Variants in SLAIN1 observed in about 807,000 individuals in gnomAD.
SLAIN1 encodes the protein SLAIN family member 1.
Under a neutral mutation model 55.4 loss-of-function variants are expected in SLAIN1, and 17 were observed. The observed-to-expected ratio is 0.31, with a 90% CI of 0.21 to 0.46. The LOEUF is 0.46. SLAIN1 is among the 20% of genes least tolerant of loss of function. The probability of loss-of-function intolerance (pLI) is 1.00; values close to 1 mark genes in which losing one functional copy is unlikely to be tolerated. For missense variants in SLAIN1, 682 were observed against 785.1 expected (o/e 0.87, Z 1.57); for synonymous variants, 348 against 337.4 (o/e 1.03, Z -0.35).
chr13:77,710,640 GTGGGAGACTCTAACA>G (rs1465973151), intron 1 of SLAIN1, among the ~76,000 whole-genome samples: 1 of 152,186 alleles, frequency 6.6e-6, no homozygotes, highest in Non-Finnish European at 1.5e-5. Context: ...CACAATAATA[GTGGGAGACTCTAACA>G]CCCCACTGTC....
chr13:77,758,583 A>G (rs985798867), intron 5 of SLAIN1, among the ~76,000 whole-genome samples: 3 of 152,110 alleles, frequency 2.0e-5, no homozygotes, highest in African/African-American at 7.2e-5. Context: ...TCTTTGATCC[A>G]TTTTGAGTTG....
At chr13:77,708,883 G>A (rs1325794174) in intron 1 of SLAIN1, among the ~76,000 whole-genome samples, 1 of 152,030 alleles carries the variant, frequency 6.6e-6, no homozygotes. Flanking sequence ...CTCCTTGCCA[G>A]CAAGGGAACA....
chr13:77,741,514 T>C, intron 2 of SLAIN1: 9 of 794,798 alleles, frequency 1.1e-5, no homozygotes, highest in Non-Finnish European at 1.4e-5. Flanking sequence ...TTTCATGAAA[T>C]GTGTGGATTC....
chr13:77,763,126 T>G lies in SLAIN1; in HGVS notation c.1698-19T>G, dbSNP rs368330126. 2 of 1,605,876 alleles carry G rather than the reference T, an allele frequency of 1.2e-6. No homozygotes were observed. Among genetic ancestry groups the G allele is most frequent in the African/African-American group, 2.7e-5 (2 of 74,738 alleles). ...GATTATTAACAATCTCTCTCTCTGT[T>G]TTTCTTGTCTCTTTTTAGTTTTCTT... On this transcript the variant is annotated intron_variant, in intron 6 of 6. Transcript: ENST00000418532.
chr13:77,711,736 T>G (rs776848229), intron 1 of SLAIN1, among the ~76,000 whole-genome samples: 1 of 152,150 alleles, frequency 6.6e-6, no homozygotes, highest in Non-Finnish European at 1.5e-5. Context: ...GAGACCAGCA[T>G]CATCCTGATA....
chr13:77,752,625 C>T (rs907053633), intron 4 of SLAIN1, among the ~76,000 whole-genome samples: 6 of 152,114 alleles, frequency 3.9e-5, no homozygotes, highest in African/African-American at 1.4e-4. Flanking sequence ...GGAAGACAGT[C>T]GGAGTCCCAA....
chr13:77,719,821 C>G, intron 2 of SLAIN1, 150 bp downstream of exon 2: 1 of 758,926 alleles, frequency 1.3e-6, no homozygotes, highest in Admixed American at 2.7e-5. Context: ...TATTACACAT[C>G]AAGCTTTCTC....
chr13:77,747,608 T>G (rs1873928898), intron 4 of SLAIN1, among the ~76,000 whole-genome samples: 1 of 152,172 alleles, frequency 6.6e-6, no homozygotes. Context: ...GCATGAATGA[T>G]GATGCTTGCA....
intron 5 of SLAIN1, among the ~76,000 whole-genome samples, chr13:77,756,850 T>C (rs1874643011): frequency 6.6e-6 from 1 of 152,120 alleles, no homozygotes; most frequent in African/African-American, 2.4e-5. Context: ...TCTGTTGTGA[T>C]AAAAGTGGGA....
intron 6 of SLAIN1, 31 bp from the exon 7 acceptor site, chr13:77,763,112 ATC>A (rs745497575): frequency 1.0e-5 from 16 of 1,567,226 alleles, no homozygotes; most frequent in Non-Finnish European, 1.2e-5. Flanking sequence ...ATTATTAACA[ATC>A]TCTCTCTCTG....
intron 1 of SLAIN1, among the ~76,000 whole-genome samples, chr13:77,702,853 C>T (rs1242096599): frequency 6.6e-6 from 1 of 152,104 alleles, no homozygotes; most frequent in Non-Finnish European, 1.5e-5. Context: ...TAATACAATG[C>T]TTGCTTTGAT....
rs573660509 is a variant in SLAIN1 at position 77,703,876 on chromosome 13, TA to T, written c.626+5349del. ...ACATATTACTTTTCAGTGGCAGGTCTAAAAAAAAAAAATTATATATATATAT... is the reference window on the plus strand; with the variant it reads ...ACATATTACTTTTCAGTGGCAGGTCTAAAAAAAAAAATTATATATATATAT... On this transcript the variant is annotated intron_variant, in intron 1 of 6. Coordinates refer to ENST00000418532, the MANE Select transcript of SLAIN1 (RefSeq NM_001242868.2). 1.0e-2 allele frequency among the ~76,000 whole-genome samples: 1,332 copies of T among 133,784 alleles called. 21 individuals are homozygous for T. The highest frequency in any genetic ancestry group is 0.033 in the African/African-American group (1,181 of 36,332). 87.8% of individuals were successfully genotyped at this position (133,784 alleles called of 152,430 possible).
rs1226920148 is a variant in SLAIN1, at chr13:77,706,659, C to T, written c.626+8120C>T. Among the ~76,000 whole-genome samples, 4 of 137,902 alleles carry T rather than the reference C, an allele frequency of 2.9e-5. No individual in the cohort carries two copies. The East Asian group carries it at 8.4e-4, about 29-fold the overall frequency. 90.5% of individuals were successfully genotyped at this position (137,902 alleles called of 152,430 possible). A position where few individuals can be genotyped will look rare whatever the true frequency, so the allele number is the denominator to read the frequency against. On this transcript the variant is annotated intron_variant, in intron 1 of 6. Coordinates refer to ENST00000418532, the MANE Select transcript of SLAIN1 (RefSeq NM_001242868.2). ...ATGTGGATTCCCTTCTTCTTAAATC[C>T]TTTTCGTTTGTATTTTTTTTATTCT...
intron 2 of SLAIN1, among the ~76,000 whole-genome samples, chr13:77,742,060 G>A (rs577144614): frequency 1.8e-4 from 27 of 151,970 alleles, no homozygotes; most frequent in African/African-American, 5.8e-4. Flanking sequence ...CATGTTTGGT[G>A]TGACTTAAGC....
chr13:77,760,042 A>G (rs75760418), intron 5 of SLAIN1, among the ~76,000 whole-genome samples: 171 of 152,320 alleles, frequency 1.1e-3, no homozygotes, highest in African/African-American at 4.0e-3. Context: ...TTTAGAAAAC[A>G]GGGTATGTCC....
At chr13:77,757,983 CT>C (rs1197497569) in intron 5 of SLAIN1, among the ~76,000 whole-genome samples, 1 of 152,026 alleles carries the variant, frequency 6.6e-6, no homozygotes, top group East Asian at 1.9e-4. Context: ...GGTAATTCTA[CT>C]TTTAGTTCTT....
intron 1 of SLAIN1, among the ~76,000 whole-genome samples, chr13:77,710,655 AC>A (rs1163133294): frequency 6.6e-6 from 1 of 152,130 alleles, no homozygotes; most frequent in African/African-American, 2.4e-5. Flanking sequence ...AGACTCTAAC[AC>A]CCCACTGTCA....
At chr13:77,752,444 C>T (rs1436689339) in intron 4 of SLAIN1, among the ~76,000 whole-genome samples, 1 of 151,864 alleles carries the variant, frequency 6.6e-6, no homozygotes, top group Non-Finnish European at 1.5e-5. Flanking sequence ...GTCCCTAAGT[C>T]TTTTTATAGA....
intron 5 of SLAIN1, among the ~76,000 whole-genome samples, chr13:77,754,661 A>T (rs1207691621): frequency 6.6e-6 from 1 of 152,192 alleles, no homozygotes; most frequent in African/African-American, 2.4e-5. Context: ...TTCATTGCTT[A>T]CTTAATCACC....
Sources: gnomAD v4.1 joint callset for allele counts (sites outside exome capture counted in the v4.1 genomes callset) on GRCh38, gnomAD v4.1.1 for gene constraint, MANE v1.5 for transcripts, NCBI Gene and HGNC (gene_info 2026-07-23, HGNC 2026-07-21) for gene names.